RPS6KC1: variants seen among roughly 807,000 people sequenced by gnomAD.
RPS6KC1 encodes the protein ribosomal protein S6 kinase C1.
Under a neutral mutation model 103.8 loss-of-function variants are expected in RPS6KC1, and 54 were observed. The ratio of observed to expected loss-of-function variants is 0.52; its 90% CI spans 0.42 to 0.65. RPS6KC1 has a LOEUF of 0.65. RPS6KC1 is among the 30% of genes least tolerant of loss of function. The pLI, the probability that RPS6KC1 is intolerant of heterozygous loss-of-function variation, is 0.00. For synonymous variants in RPS6KC1, 439 were observed against 438.7 expected, an observed-to-expected ratio of 1.00 and a Z score of -0.01; for missense variants, 1,151 against 1,253.8, an observed-to-expected ratio of 0.92 and a Z score of 1.24.
the RPS6KC1 span, among the ~76,000 whole-genome samples, chr1:213,414,914 C>T: frequency 9.9e-5 from 15 of 152,258 alleles, no homozygotes; most frequent in African/African-American, 3.4e-4. Flanking sequence ...GCCTCCCCCA[C>T]ACAGTGGTGC....
chr1:213,217,196 A>T (rs1459972224), intron 8 of RPS6KC1, among the ~76,000 whole-genome samples: 2 of 151,772 alleles, frequency 1.3e-5, no homozygotes, highest in East Asian at 3.8e-4. Context: ...GGATATCACT[A>T]CCGATCCCAC....
chr1:213,229,773 CAG>C (rs1246530839), intron 8 of RPS6KC1, among the ~76,000 whole-genome samples: 1 of 152,012 alleles, frequency 6.6e-6, no homozygotes, highest in Non-Finnish European at 1.5e-5. Context: ...CTTTTTCTCT[CAG>C]TGAGATAAGA....
chr1:213,076,351 C>G (rs1016619058), intron 2 of RPS6KC1, among the ~76,000 whole-genome samples: 3 of 152,148 alleles, frequency 2.0e-5, no homozygotes, highest in South Asian at 2.1e-4. Context: ...TTTATACATA[C>G]AGAGGGTAGG....
intron 7 of RPS6KC1, among the ~76,000 whole-genome samples, chr1:213,169,074 A>G (rs1572982081): frequency 6.6e-6 from 1 of 151,638 alleles, no homozygotes; most frequent in South Asian, 2.1e-4. Flanking sequence ...AAAAAAAAAA[A>G]TTTCTGTGGA....
chr1:213,301,312 T>C, the RPS6KC1 span, among the ~76,000 whole-genome samples: 2 of 152,214 alleles, frequency 1.3e-5, no homozygotes, highest in Non-Finnish European at 2.9e-5. Context: ...GACTTCTAGC[T>C]GTTGAGGTCA....
At chr1:213,229,871 C>CAGGG (rs1254218061) in intron 8 of RPS6KC1, among the ~76,000 whole-genome samples, 2 of 152,238 alleles carry the variant, frequency 1.3e-5, no homozygotes, top group East Asian at 3.9e-4. Context: ...AAGATGGAAG[C>CAGGG]AGGGAGATCA....
chr1:213,601,848 T>C, the RPS6KC1 span, among the ~76,000 whole-genome samples: 2 of 151,998 alleles, frequency 1.3e-5, no homozygotes, highest in Non-Finnish European at 2.9e-5. Flanking sequence ...CAGTCTTTAT[T>C]ATTCTTTTTT....
At chr1:213,106,382 G>C (rs891455228) in intron 4 of RPS6KC1, among the ~76,000 whole-genome samples, 4 of 152,194 alleles carry the variant, frequency 2.6e-5, no homozygotes, top group African/African-American at 9.7e-5. Context: ...ATAGGTTTCT[G>C]GGTTTAGGTG....
chr1:213,477,146 T>G, the RPS6KC1 span, among the ~76,000 whole-genome samples: 1 of 152,206 alleles, frequency 6.6e-6, no homozygotes, highest in South Asian at 2.1e-4. Flanking sequence ...CACCTGTTCC[T>G]AATGTGGTCT....
At chr1:213,626,742 T>C in the RPS6KC1 span, among the ~76,000 whole-genome samples, 1 of 152,206 alleles carries the variant, frequency 6.6e-6, no homozygotes. Flanking sequence ...GTTGTAGATA[T>C]GTGGCATTAT....
At chr1:213,203,382 A>G (rs1187472119) in intron 8 of RPS6KC1, among the ~76,000 whole-genome samples, 1 of 152,150 alleles carries the variant, frequency 6.6e-6, no homozygotes, top group Non-Finnish European at 1.5e-5. Flanking sequence ...TCGTATCCTT[A>G]CTGACAACAT....
chr1:213,739,905 G>A, the RPS6KC1 span, among the ~76,000 whole-genome samples: 7 of 152,160 alleles, frequency 4.6e-5, no homozygotes, highest in Admixed American at 2.6e-4. Context: ...ATTAAAACAC[G>A]GAAAAGGAAA....
At chr1:213,704,401 A>AC in the RPS6KC1 span, among the ~76,000 whole-genome samples, 1 of 150,776 alleles carries the variant, frequency 6.6e-6, no homozygotes, top group Non-Finnish European at 1.5e-5. Context: ...AAAAAAAAAA[A>AC]AAAAAAAAAA....
rs762478973 is a variant in RPS6KC1, at chr1:213,242,627, C to T, written c.2880C>T (p.Ser960=). 25 of 1,612,584 alleles carry T rather than the reference C, an allele frequency of 1.6e-5. No homozygotes were observed. Among genetic ancestry groups the T allele is most frequent in the African/African-American group, 2.7e-5 (2 of 74,970 alleles). Residue 960 remains serine (S), a synonymous_variant, in exon 12 of 15, where the codon AGC becomes AGT. Transcript: ENST00000366960. ...RWSEVEDSCD[S]DAIERMYCAP... Reference sequence around the variant, plus strand: ...GTGAGGTTGAAGATTCCTGTGACAGCGATGCCATAGAGAGAATGTACTGTG... The same window carrying T: ...GTGAGGTTGAAGATTCCTGTGACAGTGATGCCATAGAGAGAATGTACTGTG...
At chr1:213,267,043 G>T (rs1044117708) in intron 14 of RPS6KC1, among the ~76,000 whole-genome samples, 1 of 151,924 alleles carries the variant, frequency 6.6e-6, no homozygotes, top group African/African-American at 2.4e-5. Context: ...GTTCTGCCAG[G>T]GTAGGGTAAA....
At chr1:213,653,245 G>T in the RPS6KC1 span, among the ~76,000 whole-genome samples, 5 of 152,150 alleles carry the variant, frequency 3.3e-5, no homozygotes, top group African/African-American at 4.8e-5. Flanking sequence ...GATAGCTTGA[G>T]CCATGAGTTT....
At chr1:213,474,201 G>A in the RPS6KC1 span, among the ~76,000 whole-genome samples, 6 of 152,190 alleles carry the variant, frequency 3.9e-5, no homozygotes, top group South Asian at 2.1e-4. Context: ...TGCTCCTATC[G>A]GTCTGCCTGG....
the RPS6KC1 span, among the ~76,000 whole-genome samples, chr1:213,312,948 T>G: frequency 6.6e-6 from 1 of 152,218 alleles, no homozygotes; most frequent in African/African-American, 2.4e-5. Context: ...GTTCTCATGA[T>G]TCCTTTCCCT....
the RPS6KC1 span, among the ~76,000 whole-genome samples, chr1:213,442,263 C>A: frequency 6.6e-6 from 1 of 152,342 alleles, no homozygotes; most frequent in South Asian, 2.1e-4. Flanking sequence ...TCCCATAACA[C>A]CACATAGCCC....
Sources: allele counts gnomAD v4.1 joint callset (sites outside exome capture counted in the v4.1 genomes callset), GRCh38; gene constraint gnomAD v4.1.1; transcripts MANE v1.5; gene names NCBI Gene and HGNC (gene_info 2026-07-23, HGNC 2026-07-21).